FAM217A: variants seen among roughly 807,000 people sequenced by gnomAD.
FAM217A encodes protein FAM217A.
Under a neutral mutation model 18.5 loss-of-function variants are expected in FAM217A, and 13 were observed. The observed-to-expected ratio is 0.70, with a 90% CI of 0.46 to 1.12. The LOEUF (loss-of-function observed/expected upper bound fraction) is 1.12. Ranked by LOEUF, FAM217A falls within the 50% of genes most tolerant of loss-of-function variation. The probability of loss-of-function intolerance (pLI) is 0.00; values close to 1 mark genes in which losing one functional copy is unlikely to be tolerated. For missense variants in FAM217A, 560 were observed against 575.4 expected, an observed-to-expected ratio of 0.97 and a Z score of 0.27; for synonymous variants, 161 against 202.8, an observed-to-expected ratio of 0.79 and a Z score of 1.75.
upstream of FAM217A, among the ~76,000 whole-genome samples, chr6:4,081,811 C>T (rs1424100413): frequency 6.6e-6 from 1 of 152,204 alleles, no homozygotes; most frequent in African/African-American, 2.4e-5. Context: ...CTTGTGTGTG[C>T]ACATGCACAC....
In FAM217A at chr6:4,068,590, T is replaced by G; in HGVS notation, c.*106A>C. The G allele has an allele frequency of 3.1e-6, 4 of 1,272,162 alleles. No homozygotes were observed. The highest frequency in any genetic ancestry group is 4.3e-6 in the Non-Finnish European group (4 of 928,686). The allele number at this position is 1,272,162 out of a possible 1,614,324, so 78.8% of individuals were successfully genotyped here. On this transcript the variant is annotated 3_prime_UTR_variant, in exon 7 of 7. Transcript: ENST00000274673. ...ATCACATCAAGCAACTGTTTGGTGA[T>G]TTTGGGGGACTGTTAATAGTACCTG...
At position 4,068,673 on chromosome 6, in the gene FAM217A, T is replaced by C. The variant is rs750106321; in HGVS notation, c.*23A>G. 32 of 1,565,836 alleles carry C rather than the reference T, an allele frequency of 2.0e-5. No homozygotes were observed. Among genetic ancestry groups the C allele is most frequent in the Non-Finnish European group, 2.6e-5 (30 of 1,160,908 alleles). On this transcript the variant is annotated 3_prime_UTR_variant, in exon 7 of 7. Coordinates refer to ENST00000274673, the MANE Select transcript of FAM217A (RefSeq NM_173563.3). The stretch of plus-strand genomic sequence containing the variant: ...GCTTCTTAGAGTAGATGTGTTCACA[T>C]TGAGATGTATGAAAGAAAAGAGTTA...
upstream of FAM217A, chr6:4,087,193 G>A (rs1309468613): frequency 3.2e-5 from 19 of 599,524 alleles, 2 homozygotes; most frequent in Non-Finnish European, 3.9e-5. Context: ...CTGGATACGC[G>A]CGCCCCCGCT....
intron 2 of FAM217A, chr6:4,084,553 T>C: frequency 2.9e-6 from 2 of 700,760 alleles, no homozygotes; most frequent in Non-Finnish European, 5.2e-6. Flanking sequence ...TAAATTTTGG[T>C]TAAAGTCTCA....
chr6:4,071,392 A>G (rs1291155383), intron 6 of FAM217A, among the ~76,000 whole-genome samples: 1 of 152,198 alleles, frequency 6.6e-6, no homozygotes. Context: ...CCCAATATTA[A>G]TAGCAAATGC....
chr6:4,084,067 G>C (rs1233920000), upstream of FAM217A, among the ~76,000 whole-genome samples: 1 of 152,124 alleles, frequency 6.6e-6, no homozygotes, highest in Non-Finnish European at 1.5e-5. Context: ...TTGTCTTTCA[G>C]TAGTGGCTAA....
At position 4,076,338 on chromosome 6, in the gene FAM217A, G is replaced by GAA. The variant is rs796414665; in HGVS notation, c.60+1015_60+1016dup. 4.9e-3 allele frequency among the ~76,000 whole-genome samples: 493 copies of GAA among 101,610 alleles called. 4 individuals carry two copies. Among genetic ancestry groups the GAA allele is most frequent in the African/African-American group, 0.014 (433 of 31,808 alleles). The allele number at this position is 101,610 out of a possible 152,430, so 66.7% of individuals were successfully genotyped here. On this transcript the variant is annotated intron_variant, in intron 2 of 6. Coordinates refer to ENST00000274673, the MANE Select transcript of FAM217A (RefSeq NM_173563.3). ...AGTGAGACTCCGTCTCAAAAAAAAA[G>GAA]AAAAAAAAAAAAAAGAATGAGGGTG...
Position 4,068,611 on chromosome 6 carries a change from A to C in FAM217A, c.*85T>G. ...GTGATTTTGGGGGACTGTTAATAGT[A>C]CCTGTGTCTTGGAATAATTAACCAT... On this transcript the variant is annotated 3_prime_UTR_variant, in exon 7 of 7. Transcript: ENST00000274673. 7.0e-7 allele frequency: 1 copy of C among 1,430,220 alleles called. No individual in the cohort carries two copies. The allele number at this position is 1,430,220 out of a possible 1,614,324, so 88.6% of individuals were successfully genotyped here. A position where few individuals can be genotyped will look rare whatever the true frequency, so the allele number is the denominator to read the frequency against.
chr6:4,079,691 C>T, upstream of FAM217A: 1 of 1,274,352 alleles, frequency 7.8e-7, no homozygotes, highest in Non-Finnish European at 1.0e-6. Flanking sequence ...GTACGTAGTC[C>T]TCCAGACTAA....
At position 4,069,513 on chromosome 6, in the gene FAM217A, G is replaced by T. The variant is rs1478291991; in HGVS notation, c.710C>A (p.Pro237His). Residue 237 changes from proline to histidine, a missense_variant, in exon 7 of 7, where the codon CCT becomes CAT. By Grantham distance (77) the Pro-to-His change is moderately conservative. Transcript: ENST00000274673. Reference sequence around the variant, plus strand: ...TACTTCATTTGGCTCCTCGGTGAAAGGTTCCTCAACATTTTTTATTGTTTC... The same window carrying T: ...TACTTCATTTGGCTCCTCGGTGAAATGTTCCTCAACATTTTTTATTGTTTC... ...KPETIKNVEEPFTEEPNEVFP... is the reference protein window; with the variant it reads ...KPETIKNVEEHFTEEPNEVFP... The T allele has an allele frequency of 1.2e-6, 2 of 1,614,136 alleles. No individual in the cohort carries two copies. The highest frequency in any genetic ancestry group is 1.7e-6 in the Non-Finnish European group (2 of 1,180,022).
intron 4 of FAM217A, 74 bp downstream of exon 4, chr6:4,074,369 A>AT (rs1769627023): frequency 7.6e-7 from 1 of 1,317,032 alleles, no homozygotes; most frequent in Non-Finnish European, 1.0e-6. Context: ...CAGGAAGAAA[A>AT]TTTTTTTAAA....
chr6:4,082,684 G>A (rs531323587), upstream of FAM217A, among the ~76,000 whole-genome samples: 35 of 152,366 alleles, frequency 2.3e-4, no homozygotes, highest in South Asian at 7.2e-3. Context: ...CAGGCTGTTA[G>A]CGTTAGATCA....
rs575271444 is a variant in FAM217A at position 4,076,017 on chromosome 6, A to G, written c.60+1338T>C. Among the ~76,000 whole-genome samples the G allele has an allele frequency of 6.6e-5, 10 of 152,262 alleles. No individual in the cohort carries two copies. The South Asian group carries it at 2.1e-3, about 32-fold the overall frequency. ...ATAATAGTTGCAAAAAAATGCTGCA[A>G]ATCCTGATTTTAAAGAATGAGGGTG... is the stretch of plus-strand genomic sequence containing the variant. On this transcript the variant is annotated intron_variant, in intron 2 of 6. Coordinates refer to ENST00000274673, the MANE Select transcript of FAM217A (RefSeq NM_173563.3).
At chr6:4,079,188 G>A (rs1461648453), upstream of FAM217A, 8 of 309,122 alleles carry the variant, frequency 2.6e-5, no homozygotes, top group Non-Finnish European at 4.1e-5. Flanking sequence ...GGGGAGGCCC[G>A]GCGTTCCACA....
At chr6:4,070,139 G>A (rs1473736371) in intron 6 of FAM217A, among the ~76,000 whole-genome samples, 4 of 152,094 alleles carry the variant, frequency 2.6e-5, no homozygotes, top group Non-Finnish European at 5.9e-5. Context: ...TATTAACTGG[G>A]CATCCCTTTG....
upstream of FAM217A, chr6:4,079,383 A>C: frequency 3.4e-6 from 1 of 297,366 alleles, no homozygotes; most frequent in Non-Finnish European, 6.6e-6. Flanking sequence ...CCACTCGGCC[A>C]TCCTGGCCTG....
At chr6:4,078,317 G>GC (rs1162825193) in intron 1 of FAM217A, among the ~76,000 whole-genome samples, 1 of 152,092 alleles carries the variant, frequency 6.6e-6, no homozygotes, top group Non-Finnish European at 1.5e-5. Flanking sequence ...CTCCCAAAGT[G>GC]CTGGGATTAC....
chr6:4,083,815 G>A (rs665894), upstream of FAM217A, among the ~76,000 whole-genome samples: 36,776 of 151,958 alleles, frequency 0.24, 5,079 homozygotes, highest in East Asian at 0.37. Context: ...CGGCCTCTCA[G>A]AGTGCTAGGA....
upstream of FAM217A, among the ~76,000 whole-genome samples, chr6:4,080,072 AAATG>A (rs1770179645): frequency 6.6e-6 from 1 of 152,182 alleles, no homozygotes; most frequent in South Asian, 2.1e-4. Flanking sequence ...TAGGTACAGC[AAATG>A]AATACTAAAC....
Sources: gnomAD v4.1 joint callset for allele counts (sites outside exome capture counted in the v4.1 genomes callset) on GRCh38, gnomAD v4.1.1 for gene constraint, MANE v1.5 for transcripts, NCBI Gene and HGNC (gene_info 2026-07-23, HGNC 2026-07-21) for gene names.